Variants in EEIG2 observed in about 807,000 individuals in gnomAD.
EEIG2 encodes the protein EEIG family member 2, also known as family with sequence similarity 102 member B.
chr1:108,607,980 G>A, the EEIG2 span, among the ~76,000 whole-genome samples: 2 of 151,972 alleles, frequency 1.3e-5, no homozygotes, highest in Non-Finnish European at 2.9e-5. Context: ...TAGTCCTTTA[G>A]CAGCTATTCA....
the EEIG2 span, chr1:108,626,978 C>A: frequency 6.6e-6 from 1 of 152,126 alleles, no homozygotes; most frequent in African/African-American, 2.4e-5. Context: ...TTGTACTTAC[C>A]ACATTGTATA....
the EEIG2 span, among the ~76,000 whole-genome samples, chr1:108,578,734 G>A: frequency 1.1e-4 from 17 of 151,030 alleles, no homozygotes; most frequent in Non-Finnish European, 2.1e-4. Context: ...GACTAACAGC[G>A]GATCTCTCGG....
chr1:108,570,645 A>G, the EEIG2 span, among the ~76,000 whole-genome samples: 3 of 152,358 alleles, frequency 2.0e-5, no homozygotes, highest in East Asian at 5.8e-4. Flanking sequence ...ATACGTGTTC[A>G]TGCAGTTTTC....
chr1:108,587,614 A>C, the EEIG2 span, among the ~76,000 whole-genome samples: 1 of 152,044 alleles, frequency 6.6e-6, no homozygotes, highest in South Asian at 2.1e-4. Context: ...ATTCTTTTCT[A>C]TCTGCACAGT....
the EEIG2 span, among the ~76,000 whole-genome samples, chr1:108,632,965 T>TTTTA: frequency 6.7e-6 from 1 of 149,928 alleles, no homozygotes; most frequent in Non-Finnish European, 1.5e-5. Flanking sequence ...TTTTTTTTTT[T>TTTTA]ATAGAGACAG....
chr1:108,617,143 G>A, the EEIG2 span, among the ~76,000 whole-genome samples: 3 of 152,178 alleles, frequency 2.0e-5, no homozygotes, highest in Non-Finnish European at 2.9e-5. Flanking sequence ...AAAGCAGAGT[G>A]AATGAAGAGG....
the EEIG2 span, among the ~76,000 whole-genome samples, chr1:108,570,795 T>C: frequency 6.6e-6 from 1 of 152,004 alleles, no homozygotes; most frequent in African/African-American, 2.4e-5. Context: ...GGGGTCCAGA[T>C]TTCATATGGA....
At chr1:108,595,087 C>T in the EEIG2 span, among the ~76,000 whole-genome samples, 3 of 152,040 alleles carry the variant, frequency 2.0e-5, no homozygotes, top group South Asian at 2.1e-4. Flanking sequence ...ATAACATATA[C>T]GATTAGGCAT....
chr1:108,588,401 A>C, the EEIG2 span, among the ~76,000 whole-genome samples: 59,687 of 151,976 alleles, frequency 0.39, 12,509 homozygotes, highest in East Asian at 0.64. Context: ...ATCCATTGTA[A>C]TTGATAGGAG....
the EEIG2 span, chr1:108,606,295 G>C: frequency 3.6e-6 from 5 of 1,376,140 alleles, no homozygotes; most frequent in East Asian, 2.4e-5. Flanking sequence ...ATGTAATGTT[G>C]CTTATTGCTA....
At chr1:108,608,344 A>G in the EEIG2 span, among the ~76,000 whole-genome samples, 1 of 152,202 alleles carries the variant, frequency 6.6e-6, no homozygotes. Flanking sequence ...ACACTGCATT[A>G]AAGAATCTGT....
chr1:108,582,142 G>A, the EEIG2 span, among the ~76,000 whole-genome samples: 6 of 152,076 alleles, frequency 3.9e-5, no homozygotes, highest in East Asian at 1.9e-4. Context: ...TTAAATTAAG[G>A]TATATACATT....
the EEIG2 span, chr1:108,635,804 C>G: frequency 6.6e-6 from 1 of 152,186 alleles, no homozygotes; most frequent in Admixed American, 6.5e-5. Context: ...TGCCGTTATG[C>G]AGTATATATT....
the EEIG2 span, chr1:108,628,293 A>T: frequency 6.2e-7 from 1 of 1,612,922 alleles, no homozygotes; most frequent in Non-Finnish European, 8.5e-7. Flanking sequence ...TGAATTCCTT[A>T]TTGTTCCAAA....
chr1:108,588,877 A>T, the EEIG2 span, among the ~76,000 whole-genome samples: 12 of 152,052 alleles, frequency 7.9e-5, no homozygotes, highest in African/African-American at 2.9e-4. Context: ...TTTCATCAAG[A>T]CATCTGTCAG....
chr1:108,616,630 A>T, the EEIG2 span, among the ~76,000 whole-genome samples: 2 of 152,152 alleles, frequency 1.3e-5, no homozygotes, highest in East Asian at 3.9e-4. Flanking sequence ...CAAATTATTA[A>T]TGCTATAGGT....
At chr1:108,592,859 G>T in the EEIG2 span, among the ~76,000 whole-genome samples, 1 of 152,078 alleles carries the variant, frequency 6.6e-6, no homozygotes, top group African/African-American at 2.4e-5. Context: ...AGAAGTTTGG[G>T]CTGGGTGTGG....
chr1:108,601,502 T>C, the EEIG2 span, among the ~76,000 whole-genome samples: 4 of 151,100 alleles, frequency 2.6e-5, no homozygotes, highest in South Asian at 4.2e-4. Context: ...ATATTTTAAG[T>C]ATTATATAAA....
chr1:108,625,774 CTGTGTGTGTGTGTG>C, the EEIG2 span: 478 of 23,260 alleles, frequency 0.021, 20 homozygotes, highest in East Asian at 0.3. Context: ...CTCTCTCTCT[CTGTGTGTGTGTGTG>C]TGTGTGTGTG....
Sources: allele counts gnomAD v4.1 joint callset (sites outside exome capture counted in the v4.1 genomes callset), GRCh38; gene constraint gnomAD v4.1.1; transcripts MANE v1.5; gene names NCBI Gene and HGNC (gene_info 2026-07-23, HGNC 2026-07-21).